FRMD3: variants seen among roughly 807,000 people sequenced by gnomAD.
FRMD3 encodes the protein FERM domain-containing protein 3.
A neutral mutation model predicts 70.2 loss-of-function variants in FRMD3; 33 were observed. The ratio of observed to expected loss-of-function variants is 0.47; its 90% CI spans 0.36 to 0.63. The LOEUF is 0.63. Ranked by LOEUF, FRMD3 falls within the 20% of genes least tolerant of loss-of-function variation. The probability of loss-of-function intolerance (pLI) is 0.00; values close to 1 mark genes in which losing one functional copy is unlikely to be tolerated. For missense variants in FRMD3, 632 were observed against 711.4 expected, an observed-to-expected ratio of 0.89 and a Z score of 1.27; for synonymous variants, 279 against 255.9, an observed-to-expected ratio of 1.09 and a Z score of -0.86.
intron 1 of FRMD3, among the ~76,000 whole-genome samples, chr9:83,390,170 G>A (rs1375855154): frequency 6.6e-6 from 1 of 152,142 alleles, no homozygotes; most frequent in Non-Finnish European, 1.5e-5. Context: ...TTATATCGGA[G>A]GAAACTGAGC....
intron 1 of FRMD3, among the ~76,000 whole-genome samples, chr9:83,477,753 C>T (rs945581773): frequency 6.6e-6 from 1 of 152,134 alleles, no homozygotes; most frequent in Non-Finnish European, 1.5e-5. Flanking sequence ...GACTAATTGA[C>T]TAATTGACTG....
At chr9:83,243,117 T>TA, downstream of FRMD3, 4 of 1,393,940 alleles carry the variant, frequency 2.9e-6, no homozygotes, top group Non-Finnish European at 4.0e-6. Flanking sequence ...CCACCGAACT[T>TA]ACCCACCCAG....
At chr9:83,347,288 G>A (rs928227976) in intron 4 of FRMD3, among the ~76,000 whole-genome samples, 1 of 148,810 alleles carries the variant, frequency 6.7e-6, no homozygotes, top group South Asian at 2.2e-4. Flanking sequence ...TTCACATTAA[G>A]GATGCTCATT....
intron 1 of FRMD3, among the ~76,000 whole-genome samples, chr9:83,511,872 C>T (rs1829346356): frequency 2.0e-5 from 3 of 152,182 alleles, no homozygotes; most frequent in Non-Finnish European, 2.9e-5. Context: ...AGTCTGCTCC[C>T]GACTGTCCAG....
intron 1 of FRMD3, among the ~76,000 whole-genome samples, chr9:83,481,814 C>G (rs1357948903): frequency 6.6e-6 from 1 of 152,062 alleles, no homozygotes; most frequent in South Asian, 2.1e-4. Flanking sequence ...TCTCTGAGCT[C>G]CTCATATGCT....
At chr9:83,504,899 T>A (rs953769805) in intron 1 of FRMD3, among the ~76,000 whole-genome samples, 1 of 152,220 alleles carries the variant, frequency 6.6e-6, no homozygotes, top group African/African-American at 2.4e-5. Context: ...GATAAATGAA[T>A]GAATTAATGG....
intron 2 of FRMD3, among the ~76,000 whole-genome samples, chr9:83,378,261 G>GTTTTTTTTTTTTTTTTTTTTTTTTT (rs141992984): frequency 7.7e-6 from 1 of 129,406 alleles, no homozygotes; most frequent in African/African-American, 3.0e-5. Flanking sequence ...CTTCTTTTTT[G>GTTTTTTTTTTTTTTTTTTTTTTTTT]TTTTTTTTGT....
At chr9:83,296,350 A>G (rs552403539) in intron 12 of FRMD3, among the ~76,000 whole-genome samples, 1 of 152,184 alleles carries the variant, frequency 6.6e-6, no homozygotes, top group Non-Finnish European at 1.5e-5. Context: ...CTCACATCAA[A>G]GAAAATGACA....
intron 6 of FRMD3, among the ~76,000 whole-genome samples, chr9:83,334,582 A>G (rs1482761555): frequency 6.6e-6 from 1 of 152,128 alleles, no homozygotes; most frequent in Non-Finnish European, 1.5e-5. Flanking sequence ...TTTTTCATCA[A>G]CACTTGTCAT....
the FRMD3 span, among the ~76,000 whole-genome samples, chr9:83,558,300 A>G: frequency 2.0e-5 from 3 of 152,070 alleles, no homozygotes; most frequent in Admixed American, 6.5e-5. Context: ...GCACATGTGC[A>G]TGTGTGCGCC....
chr9:83,490,035 T>C (rs985963343), intron 1 of FRMD3, among the ~76,000 whole-genome samples: 1 of 152,172 alleles, frequency 6.6e-6, no homozygotes, highest in Non-Finnish European at 1.5e-5. Context: ...CCAACTTTAA[T>C]ATACACTGGC....
At chr9:83,572,175 A>G in the FRMD3 span, among the ~76,000 whole-genome samples, 87 of 149,708 alleles carry the variant, frequency 5.8e-4, 1 homozygote, top group Non-Finnish European at 1.0e-3. Flanking sequence ...GTGTGTGTGC[A>G]TGCGCATGTG....
intron 6 of FRMD3, chr9:83,331,766 A>G: frequency 4.4e-6 from 3 of 688,736 alleles, no homozygotes; most frequent in Non-Finnish European, 7.9e-6. Context: ...AATAAAGTCT[A>G]TTAAAAAAAG....
intron 13 of FRMD3, among the ~76,000 whole-genome samples, chr9:83,269,145 G>A (rs1335131155): frequency 6.6e-5 from 10 of 152,164 alleles, no homozygotes; most frequent in Non-Finnish European, 8.8e-5. Context: ...TAGATTAACC[G>A]GGGCTCATTT....
intron 1 of FRMD3, among the ~76,000 whole-genome samples, chr9:83,415,614 CTTT>C (rs1168650565): frequency 8.3e-5 from 9 of 108,956 alleles, no homozygotes; most frequent in African/African-American, 3.2e-4. Flanking sequence ...GACTAATTTT[CTTT>C]TTTTTTTTTT....
chr9:83,387,816 C>A lies in FRMD3; in HGVS notation c.252+1788G>T, dbSNP rs571742971. ...GGTCCCCAGACCAAAGCTGGCTTGGCTGCATCAAAATTAGATTAGGAATAG... is the reference window on the plus strand; with the variant it reads ...GGTCCCCAGACCAAAGCTGGCTTGGATGCATCAAAATTAGATTAGGAATAG... On this transcript the variant is annotated intron_variant, in intron 2 of 13. Transcript: ENST00000304195. 5.9e-5 allele frequency among the ~76,000 whole-genome samples: 9 copies of A among 152,274 alleles called. No homozygotes were observed. In the East Asian group the frequency reaches 1.7e-3, roughly 29 times the overall value.
At chr9:83,381,903 T>C (rs906883873) in intron 2 of FRMD3, among the ~76,000 whole-genome samples, 10 of 152,150 alleles carry the variant, frequency 6.6e-5, no homozygotes, top group Admixed American at 5.2e-4. Flanking sequence ...AGACAATATG[T>C]AAATGAACAG....
At chr9:83,494,810 A>G (rs555754004) in intron 1 of FRMD3, among the ~76,000 whole-genome samples, 2 of 150,884 alleles carry the variant, frequency 1.3e-5, no homozygotes, top group East Asian at 2.0e-4. Context: ...CTACATTTAT[A>G]CTGGTGTTTT....
intron 1 of FRMD3, among the ~76,000 whole-genome samples, chr9:83,403,298 T>C (rs779915781): frequency 1.8e-4 from 27 of 152,082 alleles, no homozygotes; most frequent in Non-Finnish European, 2.8e-4. Context: ...TCCCTAATGG[T>C]AGCATTTTTT....
Sources: allele counts gnomAD v4.1 joint callset (sites outside exome capture counted in the v4.1 genomes callset), GRCh38; gene constraint gnomAD v4.1.1; transcripts MANE v1.5; gene names NCBI Gene and HGNC (gene_info 2026-07-23, HGNC 2026-07-21).